CDYL: variants seen among roughly 807,000 people sequenced by gnomAD.
CDYL encodes chromodomain Y-like protein.
In CDYL, 8 loss-of-function variants were observed where a neutral mutation model predicts 47.3. The observed-to-expected ratio is 0.17, with a 90% CI of 0.10 to 0.31. The LOEUF is 0.31. Among genes scored for constraint, CDYL ranks in the 10% least tolerant of loss-of-function variants. The pLI, the probability that CDYL is intolerant of heterozygous loss-of-function variation, is 1.00. For missense variants in CDYL, 471 were observed against 701.4 expected, an observed-to-expected ratio of 0.67 and a Z score of 3.71; for synonymous variants, 266 against 265.0, an observed-to-expected ratio of 1.00 and a Z score of -0.04.
At chr6:4,863,369 T>C (rs1761228472) in intron 1 of CDYL, among the ~76,000 whole-genome samples, 1 of 152,160 alleles carries the variant, frequency 6.6e-6, no homozygotes, top group South Asian at 2.1e-4. Context: ...AAATTATTTT[T>C]AAAAAGACTA....
chr6:4,840,403 CTTTT>C (rs773999100), intron 1 of CDYL, among the ~76,000 whole-genome samples: 18 of 151,920 alleles, frequency 1.2e-4, no homozygotes, highest in Non-Finnish European at 2.2e-4. Flanking sequence ...TTCTTTCTTT[CTTTT>C]GTTTGATTGC....
At chr6:4,719,500 G>A (rs1373998504) in intron 2 of CDYL, among the ~76,000 whole-genome samples, 2 of 152,034 alleles carry the variant, frequency 1.3e-5, no homozygotes, top group African/African-American at 4.8e-5. Context: ...TTCCTGCAAG[G>A]CCTAAGCTGC....
chr6:4,941,955 A>G (rs36100160), intron 4 of CDYL, among the ~76,000 whole-genome samples: 7,125 of 152,244 alleles, frequency 0.047, 212 homozygotes, highest in South Asian at 0.094. Context: ...TTACCTTTTC[A>G]TGAGTCATCA....
Position 4,871,911 on chromosome 6 carries a change from C to T in CDYL, c.25-19802C>T, listed in dbSNP as rs376350118. Among the ~76,000 whole-genome samples the T allele has an allele frequency of 3.3e-5, 5 of 152,198 alleles. No individual in the cohort carries two copies. In the East Asian group the frequency reaches 7.7e-4, roughly 23 times the overall value. ...CAGTTTTGCTGTTAGGAGCCTGCAT[C>T]GTGAGGTTGGAAGAGGTCCTGCCTC... On this transcript the variant is annotated intron_variant, in intron 1 of 6. Coordinates refer to ENST00000397588, the MANE Select transcript of CDYL (RefSeq NM_004824.4).
At chr6:4,847,278 C>T (rs1031201763) in intron 1 of CDYL, among the ~76,000 whole-genome samples, 8 of 152,280 alleles carry the variant, frequency 5.3e-5, no homozygotes, top group South Asian at 2.1e-4. Flanking sequence ...TGTCACTTGC[C>T]GCCCCCATCC....
At chr6:4,855,704 G>T (rs577076163) in intron 1 of CDYL, among the ~76,000 whole-genome samples, 1 of 152,314 alleles carries the variant, frequency 6.6e-6, no homozygotes, top group Non-Finnish European at 1.5e-5. Context: ...CAATCTACAC[G>T]TAAGCATATA....
chr6:4,920,081 CG>C (rs1757669131), intron 2 of CDYL, among the ~76,000 whole-genome samples: 1 of 152,078 alleles, frequency 6.6e-6, no homozygotes, highest in East Asian at 1.9e-4. Flanking sequence ...ACATGGTGCT[CG>C]GTGACATAAG....
At chr6:4,806,095 A>G (rs533031939) in intron 1 of CDYL, among the ~76,000 whole-genome samples, 212 of 152,360 alleles carry the variant, frequency 1.4e-3, no homozygotes, top group Admixed American at 2.5e-3. Flanking sequence ...GCAGGGACGC[A>G]AGACCTGCCA....
intron 1 of CDYL, among the ~76,000 whole-genome samples, chr6:4,812,291 C>T (rs755875125): frequency 1.6e-4 from 24 of 152,180 alleles, no homozygotes; most frequent in Non-Finnish European, 2.8e-4. Flanking sequence ...CCTAACTTTA[C>T]TTCTGCAGTG....
intron 1 of CDYL, among the ~76,000 whole-genome samples, chr6:4,832,154 A>C (rs1760165055): frequency 6.6e-6 from 1 of 152,030 alleles, no homozygotes; most frequent in Non-Finnish European, 1.5e-5. Flanking sequence ...GTCTTGTGCC[A>C]GTTTTCAAAG....
At chr6:4,754,508 T>C (rs17138814) in intron 3 of CDYL, among the ~76,000 whole-genome samples, 19,736 of 152,208 alleles carry the variant, frequency 0.13, 1,621 homozygotes, top group South Asian at 0.26. Context: ...CATTTGGGTT[T>C]TGTGACAATT....
intron 1 of CDYL, among the ~76,000 whole-genome samples, chr6:4,871,991 A>C (rs1739451946): frequency 6.6e-6 from 1 of 152,076 alleles, no homozygotes; most frequent in Non-Finnish European, 1.5e-5. Flanking sequence ...TTCTGACCAG[A>C]GCTGTTGTAT....
chr6:4,709,134 C>G (rs527659100), intron 1 of CDYL, among the ~76,000 whole-genome samples: 1 of 152,254 alleles, frequency 6.6e-6, no homozygotes, highest in South Asian at 2.1e-4. Flanking sequence ...TTCCATACAC[C>G]TCATGCTTCT....
chr6:4,901,496 G>C lies in CDYL; in HGVS notation c.691+9117G>C, dbSNP rs189310651. ...CATGCTATTCTGGTGCCTTTGTTCT[G>C]TCTTAAGTTCCTCCAACATTCATCT... On this transcript the variant is annotated intron_variant, in intron 2 of 6. Transcript: ENST00000397588. Among the ~76,000 whole-genome samples the C allele has an allele frequency of 5.3e-5, 8 of 152,198 alleles. No homozygotes were observed. The East Asian group carries it at 1.5e-3, about 29-fold the overall frequency.
In CDYL at chr6:4,892,020, AGCT is replaced by A. The variant is rs771642793; in HGVS notation, c.334_336del (p.Leu112del). ...AAAGACCACGAATCCAAAAACAGCC[AGCT>A]GTTTGCTGCCAGCCAGAAGTTCAGG... On this transcript the variant is annotated inframe_deletion, in exon 2 of 7. Coordinates refer to ENST00000397588, the MANE Select transcript of CDYL (RefSeq NM_004824.4). 3.1e-6 allele frequency: 5 copies of A among 1,614,236 alleles called. No individual in the cohort carries two copies. The East Asian group carries it at 1.1e-4, about 36-fold the overall frequency.
chr6:4,743,048 G>A (rs1056481923), intron 3 of CDYL, among the ~76,000 whole-genome samples: 6 of 152,266 alleles, frequency 3.9e-5, no homozygotes, highest in Admixed American at 2.0e-4. Context: ...CACTTCTCAC[G>A]CCCCAAGGCT....
intron 1 of CDYL, among the ~76,000 whole-genome samples, chr6:4,877,107 G>A (rs1761641498): frequency 1.3e-5 from 2 of 152,298 alleles, no homozygotes; most frequent in Middle Eastern, 3.4e-3. Flanking sequence ...CCAGAATTGT[G>A]AGCAGTAAAT....
At chr6:4,941,430 C>T (rs1053539884) in intron 4 of CDYL, among the ~76,000 whole-genome samples, 2 of 152,166 alleles carry the variant, frequency 1.3e-5, no homozygotes, top group African/African-American at 2.4e-5. Flanking sequence ...TCTCTGTGTG[C>T]ACCACATCCA....
chr6:4,719,314 C>T (rs899118139), intron 2 of CDYL, among the ~76,000 whole-genome samples: 5 of 152,190 alleles, frequency 3.3e-5, no homozygotes, highest in African/African-American at 1.2e-4. Flanking sequence ...CCTTACTATC[C>T]ATTTATAGAA....
Sources: allele counts gnomAD v4.1 joint callset (sites outside exome capture counted in the v4.1 genomes callset), GRCh38; gene constraint gnomAD v4.1.1; transcripts MANE v1.5; gene names NCBI Gene and HGNC (gene_info 2026-07-23, HGNC 2026-07-21).